The following AKAP6 variants were observed in gnomAD, a reference collection of about 807,000 sequenced individuals.
AKAP6 encodes A-kinase anchor protein 6.
A neutral mutation model predicts 188.5 loss-of-function variants in AKAP6; 58 were observed. That is an observed-to-expected ratio of 0.31 (90% CI 0.25 to 0.38). The LOEUF is 0.38. Ranked by LOEUF, AKAP6 falls within the 10% of genes least tolerant of loss-of-function variation. The probability of loss-of-function intolerance (pLI) is 1.00; values close to 1 mark genes in which losing one functional copy is unlikely to be tolerated. For missense variants in AKAP6, 2,710 were observed against 2,740.0 expected, an observed-to-expected ratio of 0.99 and a Z score of 0.24; for synonymous variants, 989 against 998.6, an observed-to-expected ratio of 0.99 and a Z score of 0.18.
chr14:32,486,357 A>G (rs1879692541), intron 2 of AKAP6, among the ~76,000 whole-genome samples: 2 of 152,324 alleles, frequency 1.3e-5, no homozygotes, highest in East Asian at 1.9e-4. Context: ...GCAAAGAAAG[A>G]CGATGGTAGC....
chr14:32,372,770 C>CTGTGTGTG (rs3031400), intron 1 of AKAP6, among the ~76,000 whole-genome samples: 27 of 147,600 alleles, frequency 1.8e-4, no homozygotes, highest in African/African-American at 6.0e-4. Flanking sequence ...TTTTGTTGCT[C>CTGTGTGTG]TGTGTGTGTG....
chr14:32,371,737 T>C (rs1888013227), intron 1 of AKAP6, among the ~76,000 whole-genome samples: 14 of 152,140 alleles, frequency 9.2e-5, no homozygotes, highest in Admixed American at 9.2e-4. Flanking sequence ...AATGATCTCA[T>C]AAGAGGAAGT....
At chr14:32,768,192 C>T (rs372674570) in intron 11 of AKAP6, among the ~76,000 whole-genome samples, 1 of 152,140 alleles carries the variant, frequency 6.6e-6, no homozygotes, top group Non-Finnish European at 1.5e-5. Context: ...CATAGAGGTA[C>T]CAGAATAGCC....
chr14:32,410,696 C>T (rs959043869), intron 1 of AKAP6, among the ~76,000 whole-genome samples: 7 of 152,170 alleles, frequency 4.6e-5, no homozygotes, highest in Non-Finnish European at 8.8e-5. Context: ...TGAGAAAGAG[C>T]AAACTATTTA....
Position 32,768,392 on chromosome 14 carries a change from T to C in AKAP6, c.3373-5286T>C, listed in dbSNP as rs74041697. On this transcript the variant is annotated intron_variant, in intron 11 of 13. Coordinates refer to ENST00000280979, the MANE Select transcript of AKAP6 (RefSeq NM_004274.5). ...TGTATTAGAGTCATTAATTAGCAAA[T>C]GACTTATTTGATAAAAATGACAAAA... Among the ~76,000 whole-genome samples the C allele has an allele frequency of 4.4e-3, 666 of 152,250 alleles. 2 individuals carry two copies. The highest frequency in any genetic ancestry group is 0.017 in the Middle Eastern group (5 of 294).
chr14:32,658,231 C>T (rs565326225), intron 7 of AKAP6, among the ~76,000 whole-genome samples: 1 of 152,058 alleles, frequency 6.6e-6, no homozygotes, highest in East Asian at 1.9e-4. Context: ...TTTTTCAAGC[C>T]AAAAGTCTCC....
chr14:32,671,129 G>T (rs1384024623), intron 7 of AKAP6, among the ~76,000 whole-genome samples: 3 of 152,086 alleles, frequency 2.0e-5, no homozygotes, highest in African/African-American at 7.2e-5. Context: ...TAGGGGTGGG[G>T]GTGAGTTGTA....
chr14:32,564,285 G>A (rs1054129534), intron 4 of AKAP6, among the ~76,000 whole-genome samples: 1 of 152,116 alleles, frequency 6.6e-6, no homozygotes, highest in Non-Finnish European at 1.5e-5. Flanking sequence ...CCACAGATAT[G>A]GAGGGCCGAC....
At chr14:32,590,445 A>G (rs1885441765) in intron 5 of AKAP6, among the ~76,000 whole-genome samples, 1 of 152,092 alleles carries the variant, frequency 6.6e-6, no homozygotes, top group Admixed American at 6.6e-5. Context: ...TGTCTCAGAA[A>G]CAAAACAAAA....
intron 1 of AKAP6, among the ~76,000 whole-genome samples, chr14:32,377,764 C>T (rs989955772): frequency 1.3e-5 from 2 of 152,164 alleles, no homozygotes; most frequent in East Asian, 1.9e-4. Flanking sequence ...TATTAACTTA[C>T]AATACTTGTT....
chr14:32,643,191 G>C (rs17417533), intron 7 of AKAP6, among the ~76,000 whole-genome samples: 2 of 152,152 alleles, frequency 1.3e-5, no homozygotes, highest in Non-Finnish European at 2.9e-5. Flanking sequence ...TAGAAAGCAG[G>C]AATCAATGGT....
intron 9 of AKAP6, among the ~76,000 whole-genome samples, chr14:32,696,942 C>T: frequency 6.6e-6 from 1 of 152,060 alleles, no homozygotes; most frequent in South Asian, 2.1e-4. Context: ...AGTTGTCATC[C>T]TTGAATTGCT....
At chr14:32,592,320 G>A (rs1446203537) in intron 5 of AKAP6, among the ~76,000 whole-genome samples, 2 of 152,210 alleles carry the variant, frequency 1.3e-5, no homozygotes, top group Non-Finnish European at 1.5e-5. Context: ...ACACAACGTA[G>A]TATGTGAAGG....
chr14:32,371,836 G>A (rs1888016395), intron 1 of AKAP6, among the ~76,000 whole-genome samples: 1 of 152,118 alleles, frequency 6.6e-6, no homozygotes, highest in Non-Finnish European at 1.5e-5. Flanking sequence ...GTGGGGTGGA[G>A]TGGAAGCTCC....
chr14:32,348,834 C>G (rs1214163712), intron 1 of AKAP6, among the ~76,000 whole-genome samples: 2 of 152,186 alleles, frequency 1.3e-5, no homozygotes. Context: ...AGATAACTCC[C>G]TGAGAGGTGC....
chr14:32,763,288 C>T (rs1395286109), intron 11 of AKAP6, among the ~76,000 whole-genome samples: 2 of 152,118 alleles, frequency 1.3e-5, no homozygotes, highest in Non-Finnish European at 2.9e-5. Context: ...TTAGATTCTG[C>T]TTCTACCATC....
At chr14:32,785,350 A>G (rs1333910377) in intron 12 of AKAP6, among the ~76,000 whole-genome samples, 1 of 152,230 alleles carries the variant, frequency 6.6e-6, no homozygotes, top group African/African-American at 2.4e-5. Flanking sequence ...ATTGAAATTT[A>G]AAATTAAATT....
chr14:32,359,260 T>C (rs756558213), intron 1 of AKAP6, among the ~76,000 whole-genome samples: 5 of 152,284 alleles, frequency 3.3e-5, no homozygotes, highest in African/African-American at 7.2e-5. Context: ...AAAGTTGGTC[T>C]TTAAAAATGA....
chr14:32,351,378 C>T (rs1216161074), intron 1 of AKAP6, among the ~76,000 whole-genome samples: 1 of 152,098 alleles, frequency 6.6e-6, no homozygotes, highest in Non-Finnish European at 1.5e-5. Context: ...GCCTGGCCAA[C>T]ATGGCGAAAG....
Sources: gnomAD v4.1 joint callset for allele counts (sites outside exome capture counted in the v4.1 genomes callset) on GRCh38, gnomAD v4.1.1 for gene constraint, MANE v1.5 for transcripts, NCBI Gene and HGNC (gene_info 2026-07-23, HGNC 2026-07-21) for gene names.